RNF111: variants seen among roughly 807,000 people sequenced by gnomAD.
RNF111 encodes E3 ubiquitin-protein ligase Arkadia.
Under a neutral mutation model 95.1 loss-of-function variants are expected in RNF111, and 17 were observed. That is an observed-to-expected ratio of 0.18 (90% CI 0.12 to 0.27). The LOEUF is 0.27. RNF111 is among the 10% of genes least tolerant of loss of function. The pLI is 1.00. For synonymous variants in RNF111, 440 were observed against 414.8 expected (o/e 1.06, Z -0.74); for missense variants, 1,189 against 1,210.4 (o/e 0.98, Z 0.26).
At chr15:58,996,523 G>A (rs1435524575) in intron 1 of RNF111, among the ~76,000 whole-genome samples, 1 of 151,924 alleles carries the variant, frequency 6.6e-6, no homozygotes, top group Non-Finnish European at 1.5e-5. Context: ...GGAGGTTGCA[G>A]TGAGCCGAGA....
At position 59,058,596 on chromosome 15, in the gene RNF111, G is replaced by C. The variant is rs765534518; in HGVS notation, c.1366+46G>C. ...GGGGAGACTTTTTGTCATTACTTTC[G>C]TTAGGAAAAGTATTATTGTTTTTAA... On this transcript the variant is annotated intron_variant, in intron 5 of 13. Transcript: ENST00000348370. The C allele has an allele frequency of 1.5e-5, 22 of 1,499,812 alleles. No individual in the cohort carries two copies. The Admixed American group carries it at 1.7e-4, about 11-fold the overall frequency. The allele number at this position is 1,499,812 out of a possible 1,614,324, so 92.9% of individuals were successfully genotyped here.
intron 1 of RNF111, among the ~76,000 whole-genome samples, chr15:59,010,465 G>A (rs1483595975): frequency 6.6e-6 from 1 of 151,856 alleles, no homozygotes; most frequent in Admixed American, 6.6e-5. Context: ...GCAGTGGTGT[G>A]ATCTCAGCTC....
intron 10 of RNF111, among the ~76,000 whole-genome samples, chr15:59,087,165 A>G (rs1314052147): frequency 6.6e-6 from 1 of 152,222 alleles, no homozygotes; most frequent in Non-Finnish European, 1.5e-5. Context: ...ATATGTTTTG[A>G]TCTGTCAGTA....
chr15:59,092,210 A>T (rs1335148384), intron 12 of RNF111, among the ~76,000 whole-genome samples: 1 of 152,064 alleles, frequency 6.6e-6, no homozygotes, highest in East Asian at 1.9e-4. Context: ...TAATAAAAAA[A>T]ACTTATTTAT....
chr15:59,035,331 A>C (rs574323915), intron 2 of RNF111, among the ~76,000 whole-genome samples: 1 of 152,242 alleles, frequency 6.6e-6, no homozygotes, highest in East Asian at 1.9e-4. Flanking sequence ...TGCCTTCCCA[A>C]CAGTCCCCCA....
At chr15:59,042,196 G>T (rs554025292) in intron 2 of RNF111, among the ~76,000 whole-genome samples, 1 of 151,372 alleles carries the variant, frequency 6.6e-6, no homozygotes, top group Non-Finnish European at 1.5e-5. Context: ...TTGCTGCCTC[G>T]GCTCATTGCA....
At chr15:59,009,866 G>A (rs1385098090) in intron 1 of RNF111, among the ~76,000 whole-genome samples, 1 of 152,104 alleles carries the variant, frequency 6.6e-6, no homozygotes, top group Non-Finnish European at 1.5e-5. Flanking sequence ...TGAGGCGGGA[G>A]GATCACTTGA....
At chr15:59,008,625 C>A (rs1427784402) in intron 1 of RNF111, among the ~76,000 whole-genome samples, 1 of 152,170 alleles carries the variant, frequency 6.6e-6, no homozygotes, top group Non-Finnish European at 1.5e-5. Context: ...TCTAGTCTGT[C>A]CTTACACCAA....
intron 9 of RNF111, among the ~76,000 whole-genome samples, chr15:59,084,840 G>T (rs1177844023): frequency 6.6e-6 from 1 of 151,826 alleles, no homozygotes; most frequent in Non-Finnish European, 1.5e-5. Context: ...AGGTTTTTTA[G>T]AGTTCCCATG....
At chr15:59,061,014 C>T (rs1255108575) in intron 5 of RNF111, among the ~76,000 whole-genome samples, 1 of 152,050 alleles carries the variant, frequency 6.6e-6, no homozygotes, top group Admixed American at 6.6e-5. Flanking sequence ...CCACACTGGC[C>T]TCAGTCTCCT....
At chr15:59,085,304 T>C (rs2078865703) in intron 9 of RNF111, among the ~76,000 whole-genome samples, 1 of 152,180 alleles carries the variant, frequency 6.6e-6, no homozygotes, top group Non-Finnish European at 1.5e-5. Context: ...CCAGAGAGCA[T>C]CTGTAACATT....
chr15:59,058,614 G>GTTT, intron 5 of RNF111, 64 bp downstream of exon 5: 2 of 1,412,516 alleles, frequency 1.4e-6, no homozygotes, highest in Admixed American at 3.4e-5. Flanking sequence ...AAGTATTATT[G>GTTT]TTTTTAAGTC....
intron 1 of RNF111, among the ~76,000 whole-genome samples, chr15:59,024,530 T>C (rs1017940464): frequency 5.9e-5 from 9 of 152,176 alleles, no homozygotes; most frequent in Non-Finnish European, 1.2e-4. Context: ...TTTTTTAAAG[T>C]GTGTTTTAGT....
intron 6 of RNF111, among the ~76,000 whole-genome samples, chr15:59,070,594 G>A (rs1326156391): frequency 6.6e-6 from 1 of 152,146 alleles, no homozygotes; most frequent in Non-Finnish European, 1.5e-5. Context: ...CTCAATAGAA[G>A]AACAGACATA....
At chr15:59,034,333 A>G (rs1410571609) in intron 2 of RNF111, among the ~76,000 whole-genome samples, 1 of 152,240 alleles carries the variant, frequency 6.6e-6, no homozygotes, top group African/African-American at 2.4e-5. Context: ...CAGAGGGTAT[A>G]TGCATTGAAA....
intron 2 of RNF111, among the ~76,000 whole-genome samples, chr15:59,034,896 T>G (rs1475511579): frequency 6.6e-6 from 1 of 152,188 alleles, no homozygotes; most frequent in African/African-American, 2.4e-5. Flanking sequence ...TGGGACAACT[T>G]TTTCATACAA....
chr15:59,070,241 C>T (rs1566930352), intron 6 of RNF111, among the ~76,000 whole-genome samples: 2 of 152,082 alleles, frequency 1.3e-5, no homozygotes, highest in East Asian at 1.9e-4. Context: ...TCACTATACT[C>T]ATCTTGCTTA....
chr15:59,055,211 GT>G (rs1348344680), intron 3 of RNF111, among the ~76,000 whole-genome samples: 8 of 152,012 alleles, frequency 5.3e-5, no homozygotes, highest in African/African-American at 1.9e-4. Flanking sequence ...TATTTTTTTT[GT>G]TTTGTTTTCT....
At chr15:59,039,260 G>T (rs1007756681) in intron 2 of RNF111, among the ~76,000 whole-genome samples, 1 of 151,990 alleles carries the variant, frequency 6.6e-6, no homozygotes, top group Non-Finnish European at 1.5e-5. Context: ...CACCACTCCC[G>T]GCCTTGATAT....
Sources: gnomAD v4.1 joint callset for allele counts (sites outside exome capture counted in the v4.1 genomes callset) on GRCh38, gnomAD v4.1.1 for gene constraint, MANE v1.5 for transcripts, NCBI Gene and HGNC (gene_info 2026-07-23, HGNC 2026-07-21) for gene names.